The following EXOC2 variants were observed in gnomAD, a reference collection of about 807,000 sequenced individuals.
EXOC2 encodes the protein SEC5-like 1.
In EXOC2, 70 loss-of-function variants were observed where a neutral mutation model predicts 131.8. That is an observed-to-expected ratio of 0.53 (90% CI 0.44 to 0.65). The LOEUF (loss-of-function observed/expected upper bound fraction) is 0.65, where lower values mean the gene tolerates loss of function less well. EXOC2 is among the 30% of genes least tolerant of loss of function. The probability of loss-of-function intolerance (pLI) is 0.00; values close to 1 mark genes in which losing one functional copy is unlikely to be tolerated. For synonymous variants in EXOC2, 411 were observed against 398.4 expected, an observed-to-expected ratio of 1.03 and a Z score of -0.38; for missense variants, 923 against 1,108.6, an observed-to-expected ratio of 0.83 and a Z score of 2.38.
At chr6:629,771 G>C in intron 4 of EXOC2, 64 bp downstream of exon 4, 2 of 1,581,250 alleles carry the variant, frequency 1.3e-6, no homozygotes, top group Middle Eastern at 1.7e-4. Flanking sequence ...TCCCTTTCCT[G>C]TAAGTATATA....
At chr6:537,396 T>C (rs1314502505) in intron 22 of EXOC2, among the ~76,000 whole-genome samples, 1 of 140,916 alleles carries the variant, frequency 7.1e-6, no homozygotes, top group Non-Finnish European at 1.5e-5. Flanking sequence ...GAGCGTACAC[T>C]CGAGTTCATG....
chr6:598,848 C>A lies in EXOC2; in HGVS notation c.970+12G>T. ...GAAAGGAGAAGATCTAAAAGTAATA[C>A]ATGAATCTTACATTTCTTGAAAACT... is the stretch of plus-strand genomic sequence containing the variant. On this transcript the variant is annotated intron_variant, in intron 9 of 27. Transcript: ENST00000230449. 6.3e-7 allele frequency: 1 copy of A among 1,597,008 alleles called. No individual in the cohort carries two copies. The highest frequency in any genetic ancestry group is 1.1e-5 in the South Asian group (1 of 87,974).
chr6:512,479 A>G (rs568599751), intron 23 of EXOC2, among the ~76,000 whole-genome samples: 2 of 152,360 alleles, frequency 1.3e-5, no homozygotes, highest in South Asian at 4.1e-4. Flanking sequence ...TACAGAATAT[A>G]GTATATACGT....
intron 3 of EXOC2, 135 bp from the exon 4 acceptor site, chr6:630,096 T>C (rs1331532883): frequency 1.1e-5 from 12 of 1,108,362 alleles, no homozygotes; most frequent in Non-Finnish European, 1.3e-5. Flanking sequence ...TTTGAGGACA[T>C]AACAGCTAAA....
At chr6:528,884 T>C (rs199832107) in intron 23 of EXOC2, among the ~76,000 whole-genome samples, 1 of 150,188 alleles carries the variant, frequency 6.7e-6, no homozygotes, top group African/African-American at 2.4e-5. Flanking sequence ...CTGGGTACCT[T>C]AAATAAATCC....
At chr6:518,529 T>C (rs189962482) in intron 23 of EXOC2, among the ~76,000 whole-genome samples, 2 of 152,264 alleles carry the variant, frequency 1.3e-5, no homozygotes, top group Admixed American at 6.5e-5. Flanking sequence ...ATGAAGAAAA[T>C]ATGTAGGCCA....
At chr6:680,754 T>C (rs1201862168) in intron 1 of EXOC2, among the ~76,000 whole-genome samples, 1 of 152,120 alleles carries the variant, frequency 6.6e-6, no homozygotes, top group East Asian at 1.9e-4. Context: ...TTATAACAAA[T>C]GATAGTATCC....
At chr6:617,682 C>T in intron 6 of EXOC2, 29 bp downstream of exon 6, 1 of 1,600,268 alleles carries the variant, frequency 6.2e-7, no homozygotes, top group East Asian at 2.2e-5. Context: ...GCGGAAGCTG[C>T]CAGCAGATGG....
At chr6:682,489 C>A (rs181806931) in intron 1 of EXOC2, among the ~76,000 whole-genome samples, 1 of 152,042 alleles carries the variant, frequency 6.6e-6, no homozygotes, top group Non-Finnish European at 1.5e-5. Context: ...TGTGAGCCAC[C>A]GCGCCCGGCC....
chr6:504,688 C>T (rs556388381), intron 23 of EXOC2, among the ~76,000 whole-genome samples: 37 of 152,286 alleles, frequency 2.4e-4, no homozygotes, highest in Admixed American at 3.9e-4. Context: ...GCCTACTCTG[C>T]GAAACAGACA....
intron 7 of EXOC2, among the ~76,000 whole-genome samples, chr6:604,178 T>C (rs1760267393): frequency 6.6e-6 from 1 of 152,230 alleles, no homozygotes; most frequent in South Asian, 2.1e-4. Context: ...ATTCAACATG[T>C]TGAACTGAAT....
intron 1 of EXOC2, among the ~76,000 whole-genome samples, chr6:684,410 A>C (rs183503553): frequency 1.3e-5 from 2 of 152,242 alleles, no homozygotes; most frequent in Non-Finnish European, 2.9e-5. Context: ...ACATCAATTA[A>C]CCTCCTATCC....
At chr6:497,740 CAAAAT>C (rs1763824576) in intron 24 of EXOC2, among the ~76,000 whole-genome samples, 1 of 152,144 alleles carries the variant, frequency 6.6e-6, no homozygotes, top group African/African-American at 2.4e-5. Flanking sequence ...CTGATGTTGA[CAAAAT>C]AAAAACTGTT....
intron 1 of EXOC2, chr6:679,309 T>G (rs1764292854): frequency 6.6e-6 from 1 of 151,798 alleles, no homozygotes; most frequent in Non-Finnish European, 1.5e-5. Context: ...AGGTATAAGC[T>G]TACAGTTCAC....
chr6:630,266 AAAT>A (rs1458893057), intron 3 of EXOC2, among the ~76,000 whole-genome samples: 3 of 152,348 alleles, frequency 2.0e-5, no homozygotes, highest in Non-Finnish European at 4.4e-5. Flanking sequence ...CATATTTTAC[AAAT>A]AATAAACACT....
chr6:490,380 G>A (rs1581280021), intron 26 of EXOC2, among the ~76,000 whole-genome samples: 1 of 152,212 alleles, frequency 6.6e-6, no homozygotes, highest in East Asian at 1.9e-4. Flanking sequence ...GGGAAAAGGT[G>A]TGGCTCAACA....
At chr6:529,116 ACC>A (rs11458521) in intron 23 of EXOC2, among the ~76,000 whole-genome samples, 1 of 134,496 alleles carries the variant, frequency 7.4e-6, no homozygotes, top group African/African-American at 2.6e-5. Context: ...CCTGCCTTTT[ACC>A]CCCCCCCGCG....
intron 22 of EXOC2, among the ~76,000 whole-genome samples, chr6:547,482 A>C (rs1246502914): frequency 3.3e-5 from 5 of 152,174 alleles, no homozygotes; most frequent in African/African-American, 2.4e-5. Flanking sequence ...ATCCACTGTG[A>C]CCTGTGCCCT....
At chr6:516,508 C>T (rs1347907586) in intron 23 of EXOC2, among the ~76,000 whole-genome samples, 2 of 152,236 alleles carry the variant, frequency 1.3e-5, no homozygotes, top group African/African-American at 4.8e-5. Context: ...CCTGGCTCTG[C>T]AGGGCAGGCC....
Sources: allele counts gnomAD v4.1 joint callset (sites outside exome capture counted in the v4.1 genomes callset), GRCh38; gene constraint gnomAD v4.1.1; transcripts MANE v1.5; gene names NCBI Gene and HGNC (gene_info 2026-07-23, HGNC 2026-07-21).